SYCP1: variants seen among roughly 807,000 people sequenced by gnomAD.
The protein encoded by SYCP1 is cancer/testis antigen 8.
SYCP1 carries 64 observed loss-of-function variants against 153.1 expected under a neutral mutation model. That is an observed-to-expected ratio of 0.42 (90% CI 0.34 to 0.51). The LOEUF (loss-of-function observed/expected upper bound fraction) is 0.51, where lower values mean the gene tolerates loss of function less well. Ranked by LOEUF, SYCP1 falls within the 20% of genes least tolerant of loss-of-function variation. SYCP1 has a pLI of 0.06. For synonymous variants in SYCP1, 384 were observed against 341.8 expected, an observed-to-expected ratio of 1.12 and a Z score of -1.36; for missense variants, 997 against 1,049.0, an observed-to-expected ratio of 0.95 and a Z score of 0.68.
chr1:114,895,496 TG>T lies in SYCP1; in HGVS notation c.1308del (p.Val439SerfsTer22). 6.6e-7 allele frequency: 1 copy of T among 1,519,640 alleles called. No homozygotes were observed. Among genetic ancestry groups the T allele is most frequent in the Admixed American group, 1.9e-5 (1 of 51,704 alleles). 94.1% of individuals were successfully genotyped at this position (1,519,640 alleles called of 1,614,324 possible). A position where few individuals can be genotyped will look rare whatever the true frequency, so the allele number is the denominator to read the frequency against. ...TNNKEVELEELKKVLGEKETL... is the reference protein window; with the variant it reads ...TNNKEVELEEXKKVLGEKETL... ...AACAAAGAAGTAGAACTTGAAGAAT[TG>T]AAAAAAGTCTTGGTAAGTATAGTCT... On this transcript the variant is annotated frameshift_variant, in exon 16 of 32. Coordinates refer to ENST00000369522, the MANE Select transcript of SYCP1 (RefSeq NM_003176.4). LOFTEE classifies it high-confidence loss of function.
chr1:114,967,212 C>A (rs1672186037), intron 27 of SYCP1, among the ~76,000 whole-genome samples: 1 of 152,140 alleles, frequency 6.6e-6, no homozygotes. Context: ...GAGCTGAGTT[C>A]AAGTCGTGAA....
intron 23 of SYCP1, among the ~76,000 whole-genome samples, chr1:114,935,369 A>G (rs1399760562): frequency 6.6e-6 from 1 of 152,252 alleles, no homozygotes; most frequent in African/African-American, 2.4e-5. Context: ...GAGAAGAAAG[A>G]CACAACATAC....
chr1:114,922,267 A>G (rs771980392), intron 20 of SYCP1, among the ~76,000 whole-genome samples: 13 of 151,974 alleles, frequency 8.6e-5, no homozygotes, highest in Non-Finnish European at 1.6e-4. Context: ...TGACTCTTAG[A>G]TTTGCCCTTT....
intron 27 of SYCP1, among the ~76,000 whole-genome samples, chr1:114,967,618 G>T (rs573309756): frequency 6.6e-6 from 1 of 152,264 alleles, no homozygotes; most frequent in East Asian, 1.9e-4. Context: ...ACACCGATGG[G>T]TCTTGACTCT....
At chr1:114,992,343 A>G (rs1212950168) in intron 30 of SYCP1, among the ~76,000 whole-genome samples, 1 of 151,884 alleles carries the variant, frequency 6.6e-6, no homozygotes, top group Non-Finnish European at 1.5e-5. Flanking sequence ...GGCTAAAACA[A>G]TCTTGAAAAA....
At chr1:114,898,318 A>G (rs1667194599) in intron 16 of SYCP1, among the ~76,000 whole-genome samples, 1 of 152,180 alleles carries the variant, frequency 6.6e-6, no homozygotes, top group Non-Finnish European at 1.5e-5. Context: ...GGCTATCATT[A>G]TGCTTGCTAA....
intron 9 of SYCP1, among the ~76,000 whole-genome samples, chr1:114,874,979 T>C (rs937250992): frequency 6.6e-6 from 1 of 152,222 alleles, no homozygotes; most frequent in African/African-American, 2.4e-5. Flanking sequence ...CTCTTTCTGA[T>C]GGTGGTTCTT....
intron 30 of SYCP1, among the ~76,000 whole-genome samples, chr1:114,993,266 T>A (rs1002536804): frequency 6.6e-6 from 1 of 151,692 alleles, no homozygotes; most frequent in African/African-American, 2.4e-5. Flanking sequence ...TATGACTTAT[T>A]TATTGAATTC....
rs934323747 is a variant in SYCP1, at chr1:114,977,749, T to C, written c.2382+133T>C. 18 of 595,866 alleles carry C rather than the reference T, an allele frequency of 3.0e-5. No homozygotes were observed. The Admixed American group carries it at 6.8e-4, about 23-fold the overall frequency. The allele number at this position is 595,866 out of a possible 1,614,324, so 36.9% of individuals were successfully genotyped here. A position where few individuals can be genotyped will look rare whatever the true frequency, so the allele number is the denominator to read the frequency against. On this transcript the variant is annotated intron_variant, in intron 28 of 31. Transcript: ENST00000369522. ...ATACAATTTCATTTTCTAAATTGTT[T>C]CTTGCTATTTATTAATTCAAAAGCA...
chr1:114,973,362 T>A (rs769432887), intron 27 of SYCP1, among the ~76,000 whole-genome samples: 14 of 152,072 alleles, frequency 9.2e-5, no homozygotes, highest in Non-Finnish European at 1.6e-4. Context: ...GACCAAAATA[T>A]AAACTTAAGT....
intron 16 of SYCP1, among the ~76,000 whole-genome samples, chr1:114,908,138 T>A (rs1667936120): frequency 6.6e-6 from 1 of 152,056 alleles, no homozygotes; most frequent in Admixed American, 6.6e-5. Flanking sequence ...TTCTTAGTTT[T>A]TCTTTTTGAA....
chr1:114,979,499 A>C (rs536946661), intron 28 of SYCP1, among the ~76,000 whole-genome samples: 4 of 151,876 alleles, frequency 2.6e-5, no homozygotes, highest in African/African-American at 9.6e-5. Context: ...AAGGTGGTGC[A>C]GTGACCTTAA....
At chr1:114,884,133 T>A (rs1666141708) in intron 12 of SYCP1, among the ~76,000 whole-genome samples, 1 of 152,248 alleles carries the variant, frequency 6.6e-6, no homozygotes. Flanking sequence ...TGCATGGTCT[T>A]CATGAATTAT....
intron 28 of SYCP1, among the ~76,000 whole-genome samples, chr1:114,978,098 T>C (rs1672921256): frequency 6.6e-6 from 1 of 151,624 alleles, no homozygotes; most frequent in Non-Finnish European, 1.5e-5. Context: ...AAATAATATT[T>C]TTATTATTGA....
chr1:114,936,031 A>G (rs1054602455), intron 23 of SYCP1, among the ~76,000 whole-genome samples: 1 of 152,176 alleles, frequency 6.6e-6, no homozygotes, highest in Non-Finnish European at 1.5e-5. Flanking sequence ...AAAAAGAGGG[A>G]ATCCTCCCTA....
intron 20 of SYCP1, 94 bp downstream of exon 20, chr1:114,914,139 G>A: frequency 1.1e-6 from 1 of 916,810 alleles, no homozygotes; most frequent in Non-Finnish European, 1.6e-6. Context: ...TTGGACTGCT[G>A]TTGAATATTT....
At chr1:114,939,770 A>C (rs544464891) in intron 23 of SYCP1, among the ~76,000 whole-genome samples, 5 of 152,238 alleles carry the variant, frequency 3.3e-5, no homozygotes, top group African/African-American at 1.2e-4. Flanking sequence ...CATGCGTTTT[A>C]TTATATGTAA....
At chr1:114,960,884 G>C (rs1671741814) in intron 27 of SYCP1, among the ~76,000 whole-genome samples, 1 of 151,994 alleles carries the variant, frequency 6.6e-6, no homozygotes, top group African/African-American at 2.4e-5. Context: ...GATTTAGGGG[G>C]GATTTTCTCT....
intron 16 of SYCP1, among the ~76,000 whole-genome samples, chr1:114,908,479 C>T (rs1470856005): frequency 1.3e-5 from 2 of 152,128 alleles, no homozygotes; most frequent in East Asian, 3.8e-4. Flanking sequence ...TCTAAGATTA[C>T]AATTATACAT....
Sources: allele counts gnomAD v4.1 joint callset (sites outside exome capture counted in the v4.1 genomes callset), GRCh38; gene constraint gnomAD v4.1.1; transcripts MANE v1.5; gene names NCBI Gene and HGNC (gene_info 2026-07-23, HGNC 2026-07-21).